The following ABTB3 variants were observed in gnomAD, a reference collection of about 807,000 sequenced individuals.
The protein encoded by ABTB3 is ankyrin repeat and BTB domain containing 3.
the ABTB3 span, among the ~76,000 whole-genome samples, chr12:107,392,611 C>T: frequency 6.6e-5 from 10 of 152,334 alleles, no homozygotes; most frequent in South Asian, 2.1e-3. Flanking sequence ...GTCAGCCTCA[C>T]TCCCTCAGAA....
chr12:107,438,953 G>A, the ABTB3 span, among the ~76,000 whole-genome samples: 3 of 152,164 alleles, frequency 2.0e-5, no homozygotes, highest in East Asian at 3.8e-4. Flanking sequence ...ACTCCTGCTT[G>A]TGCCAATATT....
At chr12:107,488,507 C>T in the ABTB3 span, among the ~76,000 whole-genome samples, 1 of 151,982 alleles carries the variant, frequency 6.6e-6, no homozygotes, top group East Asian at 1.9e-4. Flanking sequence ...ATACTTGGCT[C>T]ATTATAAACT....
the ABTB3 span, among the ~76,000 whole-genome samples, chr12:107,557,346 A>G: frequency 6.4e-4 from 98 of 152,304 alleles, no homozygotes; most frequent in African/African-American, 2.3e-3. Context: ...ACAGATCTAA[A>G]CCTAGAAAAG....
the ABTB3 span, among the ~76,000 whole-genome samples, chr12:107,421,742 G>A: frequency 6.6e-6 from 1 of 152,170 alleles, no homozygotes; most frequent in Non-Finnish European, 1.5e-5. Context: ...CTTCCACTTC[G>A]GCCTAGAGGT....
the ABTB3 span, chr12:107,615,229 C>T: frequency 4.0e-6 from 5 of 1,261,630 alleles, no homozygotes; most frequent in Non-Finnish European, 5.7e-6. Flanking sequence ...CACATCTATA[C>T]CTCTCCCAGC....
chr12:107,368,096 T>C, the ABTB3 span, among the ~76,000 whole-genome samples: 1 of 152,238 alleles, frequency 6.6e-6, no homozygotes, highest in African/African-American at 2.4e-5. Context: ...GGCTAAGTTA[T>C]GCAGCGGTAA....
the ABTB3 span, among the ~76,000 whole-genome samples, chr12:107,448,806 G>A: frequency 1.3e-5 from 2 of 152,060 alleles, no homozygotes; most frequent in Non-Finnish European, 2.9e-5. Flanking sequence ...CCTGGCCTCA[G>A]GTGGTCCGCC....
the ABTB3 span, chr12:107,619,929 T>C: frequency 1.4e-6 from 2 of 1,470,230 alleles, no homozygotes; most frequent in Non-Finnish European, 9.0e-7. Flanking sequence ...GTTTTCCACC[T>C]TTCCCCTCTC....
the ABTB3 span, among the ~76,000 whole-genome samples, chr12:107,632,774 C>T: frequency 2.6e-5 from 4 of 152,186 alleles, no homozygotes; most frequent in Non-Finnish European, 4.4e-5. Flanking sequence ...TGCTTCCAAG[C>T]TCTTTCAGAG....
the ABTB3 span, among the ~76,000 whole-genome samples, chr12:107,630,655 G>A: frequency 9.2e-5 from 14 of 151,552 alleles, no homozygotes; most frequent in African/African-American, 2.2e-4. Context: ...TTGCCTAGGC[G>A]GGCCCCGAGC....
At chr12:107,617,458 C>A in the ABTB3 span, 2 of 1,612,798 alleles carry the variant, frequency 1.2e-6, no homozygotes, top group African/African-American at 2.7e-5. Context: ...TGGGCCAAAG[C>A]CAGAGGTCCC....
chr12:107,493,923 G>A, the ABTB3 span, among the ~76,000 whole-genome samples: 3 of 151,972 alleles, frequency 2.0e-5, no homozygotes, highest in Non-Finnish European at 2.9e-5. Context: ...GCAACACCTT[G>A]AGTGTGGTGT....
the ABTB3 span, among the ~76,000 whole-genome samples, chr12:107,508,380 C>CATT: frequency 6.7e-6 from 1 of 150,014 alleles, no homozygotes; most frequent in African/African-American, 2.4e-5. Flanking sequence ...AAGCTGCCCC[C>CATT]TCATTATTTT....
At chr12:107,628,967 C>T in the ABTB3 span, among the ~76,000 whole-genome samples, 5 of 152,240 alleles carry the variant, frequency 3.3e-5, no homozygotes, top group South Asian at 2.1e-4. Context: ...CTATAAAGGA[C>T]CTTTGGGAGT....
chr12:107,641,698 C>T, the ABTB3 span, among the ~76,000 whole-genome samples: 1 of 152,160 alleles, frequency 6.6e-6, no homozygotes, highest in African/African-American at 2.4e-5. Flanking sequence ...AGTCCCTGCC[C>T]TCATGGAGCA....
the ABTB3 span, chr12:107,486,661 C>T: frequency 6.7e-6 from 1 of 149,528 alleles, no homozygotes; most frequent in Non-Finnish European, 1.5e-5. Flanking sequence ...CCTGAGAGAC[C>T]TTCTAGTAGC....
the ABTB3 span, among the ~76,000 whole-genome samples, chr12:107,325,745 A>G: frequency 5.3e-5 from 8 of 152,310 alleles, no homozygotes; most frequent in African/African-American, 1.9e-4. Context: ...AGGTAAATAC[A>G]AAATAGTAAT....
chr12:107,412,484 C>T, the ABTB3 span, among the ~76,000 whole-genome samples: 4 of 152,200 alleles, frequency 2.6e-5, no homozygotes, highest in Non-Finnish European at 4.4e-5. Flanking sequence ...TGAAATTGCA[C>T]TAACCGAGGA....
At chr12:107,458,806 G>C in the ABTB3 span, among the ~76,000 whole-genome samples, 1 of 152,154 alleles carries the variant, frequency 6.6e-6, no homozygotes, top group East Asian at 1.9e-4. Context: ...CCACAGATGA[G>C]GCCATGAAAC....
Sources: allele counts gnomAD v4.1 joint callset (sites outside exome capture counted in the v4.1 genomes callset), GRCh38; gene constraint gnomAD v4.1.1; transcripts MANE v1.5; gene names NCBI Gene and HGNC (gene_info 2026-07-23, HGNC 2026-07-21).